Variants in FOXK1 observed in about 807,000 individuals in gnomAD.
FOXK1 encodes the protein forkhead box protein K1.
A neutral mutation model predicts 51.9 loss-of-function variants in FOXK1; 19 were observed. The ratio of observed to expected loss-of-function variants is 0.37; its 90% CI spans 0.26 to 0.54. FOXK1 has a LOEUF of 0.54. FOXK1 is among the 20% of genes least tolerant of loss of function. The probability of loss-of-function intolerance (pLI) is 0.87; values close to 1 mark genes in which losing one functional copy is unlikely to be tolerated. For synonymous variants in FOXK1, 537 were observed against 482.6 expected (o/e 1.11, Z -1.48); for missense variants, 870 against 1,032.7 (o/e 0.84, Z 2.16).
Position 4,740,997 on chromosome 7 carries a change from C to T in FOXK1, c.720C>T (p.Pro240=), listed in dbSNP as rs745620806. The T allele has an allele frequency of 7.2e-6, 11 of 1,535,606 alleles. No homozygotes were observed. The Middle Eastern group carries it at 5.1e-4, about 71-fold the overall frequency. Residue 240 remains proline (P), a synonymous_variant, in exon 2 of 9, where the codon CCC becomes CCT. Coordinates refer to ENST00000328914, the MANE Select transcript of FOXK1 (RefSeq NM_001037165.2). ...CGGACCTCCGGAGCATGGTCAGCCC[C>T]GTCCCCTCCCCGACGGGCACCATCA... ...PEPDLRSMVS[P]VPSPTGTISV... is the part of the protein sequence containing the mutation.
intron 1 of FOXK1, among the ~76,000 whole-genome samples, chr7:4,684,931 C>T (rs1039079572): frequency 2.0e-5 from 3 of 151,800 alleles, no homozygotes; most frequent in African/African-American, 7.3e-5. Context: ...TCGGTGTATA[C>T]AGTCCTTGCA....
At chr7:4,737,929 C>G (rs1780576602) in intron 1 of FOXK1, among the ~76,000 whole-genome samples, 1 of 152,082 alleles carries the variant, frequency 6.6e-6, no homozygotes, top group African/African-American at 2.4e-5. Context: ...TCCAGACCAG[C>G]CTGACCAACA....
chr7:4,686,852 C>T (rs535803581), intron 1 of FOXK1, among the ~76,000 whole-genome samples: 25 of 140,374 alleles, frequency 1.8e-4, no homozygotes, highest in Admixed American at 5.0e-4. Context: ...CAGCCTTCTT[C>T]GGTTATGGGG....
rs1401156803 is a variant in FOXK1, at chr7:4,745,833, T to G, written c.746+4810T>G. Among the ~76,000 whole-genome samples, 1 of 151,716 alleles carries G rather than the reference T, an allele frequency of 6.6e-6. No homozygotes were observed. The highest frequency in any genetic ancestry group is 1.5e-5 in the Non-Finnish European group (1 of 67,970). On this transcript the variant is annotated intron_variant, in intron 2 of 8. Transcript: ENST00000328914. This position sits in a 1 kb window ranked among gnomAD's most constrained non-coding sequence, Gnocchi z 4.3. ...TGAACCTAGGAGGCAGAGGTTGCAG[T>G]GAACCAAGATTGCACCACTCCAGAC...
At chr7:4,713,887 G>A (rs372120459) in intron 1 of FOXK1, among the ~76,000 whole-genome samples, 3 of 151,714 alleles carry the variant, frequency 2.0e-5, no homozygotes, top group Admixed American at 6.6e-5. Context: ...GTGCAGTGGC[G>A]TAGTCTTGGC....
chr7:4,682,994 C>A lies in FOXK1; in HGVS notation c.560+126C>A. On this transcript the variant is annotated intron_variant, in intron 1 of 8. Transcript: ENST00000328914. This position sits in a 1 kb window ranked among gnomAD's most constrained non-coding sequence, Gnocchi z 7.6. ...TCGACCCCCACCCCCCGGCCCACCC[C>A]CGGTAACCCCCGACCGGCCTGGACT... 1.0e-6 allele frequency: 1 copy of A among 994,214 alleles called. No individual in the cohort carries two copies. Among genetic ancestry groups the A allele is most frequent in the Non-Finnish European group, 1.4e-6 (1 of 719,760 alleles). 61.6% of individuals were successfully genotyped at this position (994,214 alleles called of 1,614,324 possible).
At chr7:4,699,193 A>G (rs975255414) in intron 1 of FOXK1, among the ~76,000 whole-genome samples, 4 of 151,878 alleles carry the variant, frequency 2.6e-5, no homozygotes, top group African/African-American at 9.7e-5. Flanking sequence ...CTGGCTCTCC[A>G]CATACATTTG....
At chr7:4,713,563 C>T (rs1780200780) in intron 1 of FOXK1, among the ~76,000 whole-genome samples, 1 of 151,456 alleles carries the variant, frequency 6.6e-6, no homozygotes, top group South Asian at 2.1e-4. Flanking sequence ...GCGATCTCGG[C>T]TCACCACAAC....
At chr7:4,741,532 T>C (rs28387369) in intron 2 of FOXK1, among the ~76,000 whole-genome samples, 5,648 of 152,202 alleles carry the variant, frequency 0.037, 313 homozygotes, top group African/African-American at 0.13. Flanking sequence ...GGTTTCACGA[T>C]GTTGGCCATG....
rs950211424 is a variant in FOXK1 at position 4,743,521 on chromosome 7, G to C, written c.746+2498G>C. ...GCTGAGATCACGCGACTGCACTCCA[G>C]CCCGGGCGATAGAGCGAGACTCCAT... is the stretch of plus-strand genomic sequence containing the variant. On this transcript the variant is annotated intron_variant, in intron 2 of 8. Coordinates refer to ENST00000328914, the MANE Select transcript of FOXK1 (RefSeq NM_001037165.2). This position sits in a 1 kb window ranked among gnomAD's most constrained non-coding sequence, Gnocchi z 5.3. Among the ~76,000 whole-genome samples the C allele has an allele frequency of 1.3e-5, 2 of 152,224 alleles. No individual in the cohort carries two copies. Among genetic ancestry groups the C allele is most frequent in the African/African-American group, 4.8e-5 (2 of 41,466 alleles).
At chr7:4,698,641 C>G (rs977241976) in intron 1 of FOXK1, among the ~76,000 whole-genome samples, 2 of 152,140 alleles carry the variant, frequency 1.3e-5, no homozygotes, top group Non-Finnish European at 2.9e-5. Flanking sequence ...CAGCCTCGAC[C>G]TCCCAGGCTC....
rs575946190 is a variant in FOXK1, at chr7:4,724,316, C to T, written c.561-16522C>T. 3.3e-4 allele frequency among the ~76,000 whole-genome samples: 51 copies of T among 152,328 alleles called. 1 individual carries two copies. Among genetic ancestry groups the T allele is most frequent in the South Asian group, 1.2e-3 (6 of 4,822 alleles). On this transcript the variant is annotated intron_variant, in intron 1 of 8. Transcript: ENST00000328914. ...GTTCCGGAGATTCTCCTGCCTCAAC[C>T]TCTCGGGTAGCTGGGATTACAGGCA...
rs1780326470 is a variant in FOXK1, at chr7:4,722,438, C to T, written c.561-18400C>T. Among the ~76,000 whole-genome samples the T allele has an allele frequency of 6.6e-6, 1 of 152,208 alleles. No homozygotes were observed. The highest frequency in any genetic ancestry group is 2.4e-5 in the African/African-American group (1 of 41,460). On this transcript the variant is annotated intron_variant, in intron 1 of 8. Transcript: ENST00000328914. This position sits in a 1 kb window ranked among gnomAD's most constrained non-coding sequence, Gnocchi z 5.1. Reference sequence around the variant, plus strand: ...CCTGAGATCCTGGCCAGAGGAGGTCCCGTGGCCAAGTGGCAGCGGTGCCGG... The same window carrying T: ...CCTGAGATCCTGGCCAGAGGAGGTCTCGTGGCCAAGTGGCAGCGGTGCCGG...
At chr7:4,728,645 C>T (rs949990620) in intron 1 of FOXK1, among the ~76,000 whole-genome samples, 3 of 135,680 alleles carry the variant, frequency 2.2e-5, no homozygotes, top group Non-Finnish European at 3.1e-5. Flanking sequence ...ACTTCTGGCA[C>T]TTTGGGAGGC....
At chr7:4,706,035 T>TATATATAC (rs1212608956) in intron 1 of FOXK1, among the ~76,000 whole-genome samples, 2,577 of 104,438 alleles carry the variant, frequency 0.025, 182 homozygotes, top group African/African-American at 0.063. Context: ...TGTATATACG[T>TATATATAC]GTATATACGT....
At position 4,682,299 on chromosome 7, in the gene FOXK1, C is replaced by A; in HGVS notation, c.-10C>A. On this transcript the variant is annotated 5_prime_UTR_variant, in exon 1 of 9. Coordinates refer to ENST00000328914, the MANE Select transcript of FOXK1 (RefSeq NM_001037165.2). This position sits in a 1 kb window ranked among gnomAD's most constrained non-coding sequence, Gnocchi z 7.6. ...CGCCGCCGCCGGAGGCCGCTCGGAGCCGCGCGAACATGGCCGAAGTCGGCG... is the reference window on the plus strand; with the variant it reads ...CGCCGCCGCCGGAGGCCGCTCGGAGACGCGCGAACATGGCCGAAGTCGGCG... The A allele has an allele frequency of 2.0e-6, 2 of 987,464 alleles. No individual in the cohort carries two copies. The highest frequency in any genetic ancestry group is 2.4e-6 in the Non-Finnish European group (2 of 833,692). The allele number at this position is 987,464 out of a possible 1,614,324, so 61.2% of individuals were successfully genotyped here.
chr7:4,725,098 C>A (rs578012679), intron 1 of FOXK1, among the ~76,000 whole-genome samples: 2 of 152,270 alleles, frequency 1.3e-5, no homozygotes, highest in Admixed American at 1.3e-4. Flanking sequence ...CAGCGTCCTC[C>A]GCGCCCACGT....
At position 4,735,863 on chromosome 7, in the gene FOXK1, TA is replaced by T. The variant is rs1270106372; in HGVS notation, c.561-4970del. ...TGAGCATGCTGGGGAAACATCTATTTAAAAATCAAGCCAGGTGCAGCGGCTC... is the reference window on the plus strand; with the variant it reads ...TGAGCATGCTGGGGAAACATCTATTTAAAATCAAGCCAGGTGCAGCGGCTC... On this transcript the variant is annotated intron_variant, in intron 1 of 8. Transcript: ENST00000328914. This position sits in a 1 kb window ranked among gnomAD's most constrained non-coding sequence, Gnocchi z 4.7. Among the ~76,000 whole-genome samples the T allele has an allele frequency of 3.3e-5, 5 of 152,136 alleles. No homozygotes were observed. The highest frequency in any genetic ancestry group is 5.9e-5 in the Non-Finnish European group (4 of 68,042).
chr7:4,716,601 T>C (rs1001133570), intron 1 of FOXK1, among the ~76,000 whole-genome samples: 2 of 152,214 alleles, frequency 1.3e-5, no homozygotes, highest in Non-Finnish European at 2.9e-5. Context: ...CACTGTGGCC[T>C]GCTGTGGCCA....
Sources: allele counts gnomAD v4.1 joint callset (sites outside exome capture counted in the v4.1 genomes callset), GRCh38; gene constraint gnomAD v4.1.1; non-coding constraint Gnocchi (gnomAD v3.1); transcripts MANE v1.5; gene names NCBI Gene and HGNC (gene_info 2026-07-23, HGNC 2026-07-21).